The following CFAP54 variants were observed in gnomAD, a reference collection of about 807,000 sequenced individuals.
CFAP54 encodes the protein cilia- and flagella-associated protein 54.
In CFAP54, 290 loss-of-function variants were observed where a neutral mutation model predicts 370.4. The observed-to-expected ratio is 0.78, with a 90% CI of 0.71 to 0.86. The LOEUF (loss-of-function observed/expected upper bound fraction) is 0.86, where lower values mean the gene tolerates loss of function less well. Among genes scored for constraint, CFAP54 ranks in the 40% least tolerant of loss-of-function variants. The pLI is 0.00. For synonymous variants in CFAP54, 1,206 were observed against 1,236.5 expected, an observed-to-expected ratio of 0.98 and a Z score of 0.52; for missense variants, 3,399 against 3,528.7, an observed-to-expected ratio of 0.96 and a Z score of 0.93.
intron 50 of CFAP54, among the ~76,000 whole-genome samples, chr12:96,728,776 T>G (rs1348372841): frequency 5.3e-5 from 8 of 152,194 alleles, no homozygotes; most frequent in African/African-American, 1.9e-4. Flanking sequence ...TTTCCAGTTT[T>G]TCTGCTCTGT....
chr12:96,714,169 C>T (rs1055556751), intron 48 of CFAP54, among the ~76,000 whole-genome samples: 10 of 152,246 alleles, frequency 6.6e-5, no homozygotes, highest in African/African-American at 2.2e-4. Context: ...TTAGAACTTA[C>T]GTTGGCTTCA....
At chr12:96,503,816 T>C in intron 2 of CFAP54, 70 bp from the exon 3 acceptor site, 2 of 1,230,618 alleles carry the variant, frequency 1.6e-6, no homozygotes, top group Non-Finnish European at 1.1e-6. Context: ...AGGAATAATA[T>C]GAATATTACC....
chr12:96,718,251 C>T (rs972741250), intron 48 of CFAP54, among the ~76,000 whole-genome samples, 192 bp from the exon 49 acceptor site: 6 of 151,974 alleles, frequency 3.9e-5, no homozygotes, highest in Admixed American at 1.3e-4. Context: ...CCCAGCTACT[C>T]GGGAGGCTGA....
At chr12:96,569,905 T>G (rs558702318) in intron 19 of CFAP54, among the ~76,000 whole-genome samples, 1 of 152,350 alleles carries the variant, frequency 6.6e-6, no homozygotes, top group Admixed American at 6.5e-5. Context: ...TTTTGTAGCA[T>G]TTCAAGTCAA....
chr12:96,713,434 C>CT (rs906540796), intron 48 of CFAP54, among the ~76,000 whole-genome samples: 2 of 152,062 alleles, frequency 1.3e-5, no homozygotes, highest in African/African-American at 4.8e-5. Flanking sequence ...GGGTATGATT[C>CT]TTGATTCTCT....
chr12:96,629,435 C>T (rs927272738), intron 30 of CFAP54, among the ~76,000 whole-genome samples: 5 of 151,564 alleles, frequency 3.3e-5, no homozygotes, highest in African/African-American at 9.7e-5. Context: ...TCCCAAGTAG[C>T]TGGACTACAG....
intron 39 of CFAP54, among the ~76,000 whole-genome samples, chr12:96,671,290 C>T (rs1957143118): frequency 6.6e-6 from 1 of 152,190 alleles, no homozygotes. Context: ...CAGTTTAAAA[C>T]TGAACCCTGC....
At chr12:96,608,334 CAT>C (rs1491316420) in intron 26 of CFAP54, among the ~76,000 whole-genome samples, 3 of 143,132 alleles carry the variant, frequency 2.1e-5, no homozygotes, top group Non-Finnish European at 4.6e-5. Context: ...CACACACACA[CAT>C]ACGCACACAC....
At chr12:96,651,237 C>T (rs557314071) in intron 35 of CFAP54, among the ~76,000 whole-genome samples, 60 of 152,126 alleles carry the variant, frequency 3.9e-4, no homozygotes, top group African/African-American at 1.4e-3. Context: ...TTCTAGTGTC[C>T]GTCTCCCGAA....
intron 58 of CFAP54, among the ~76,000 whole-genome samples, chr12:96,762,881 T>G (rs1958355066): frequency 6.6e-6 from 1 of 152,188 alleles, no homozygotes; most frequent in African/African-American, 2.4e-5. Flanking sequence ...AGAGCTAAGC[T>G]AGGCCACATT....
chr12:96,809,377 G>A lies in CFAP54; in HGVS notation c.8851-2359G>A, dbSNP rs368047356. Among the ~76,000 whole-genome samples, 17 of 151,924 alleles carry A rather than the reference G, an allele frequency of 1.1e-4. No homozygotes were observed. The South Asian group carries it at 1.7e-3, about 15-fold the overall frequency. On this transcript the variant is annotated intron_variant, in intron 63 of 67. Transcript: ENST00000524981. ...CCTATTATCTACGTTTTTAAATTTA[G>A]GTTTCACTTTTGGGGAGATGGATTC...
chr12:96,763,594 C>T (rs1171017268), intron 58 of CFAP54, among the ~76,000 whole-genome samples: 1 of 152,046 alleles, frequency 6.6e-6, no homozygotes, highest in Non-Finnish European at 1.5e-5. Context: ...GCCTGGGCAA[C>T]ATGGTGACAC....
chr12:96,595,352 A>G (rs1317080615), intron 25 of CFAP54, among the ~76,000 whole-genome samples: 1 of 152,104 alleles, frequency 6.6e-6, no homozygotes, highest in African/African-American at 2.4e-5. Flanking sequence ...GGGCATGTAC[A>G]CCAGGGGGAA....
In CFAP54 at chr12:96,718,589, G is replaced by T. The variant is rs139974260; in HGVS notation, c.6804+67G>T. 7.8e-5 allele frequency: 72 copies of T among 927,988 alleles called. 1 individual carries two copies. The South Asian group carries it at 8.8e-4, about 11-fold the overall frequency. 57.5% of individuals were successfully genotyped at this position (927,988 alleles called of 1,614,324 possible). A position where few individuals can be genotyped will look rare whatever the true frequency, so the allele number is the denominator to read the frequency against. ...AAAATCCACTATTAGGCCCTGGATG[G>T]GCCTGCTTTCAGAGTTATGCTTGCT... On this transcript the variant is annotated intron_variant, in intron 49 of 67. Transcript: ENST00000524981.
chr12:96,499,569 T>A (rs1955000742), intron 1 of CFAP54, among the ~76,000 whole-genome samples: 1 of 152,158 alleles, frequency 6.6e-6, no homozygotes, highest in Admixed American at 6.5e-5. Flanking sequence ...TTTACAAAAT[T>A]AAACATATTC....
chr12:96,805,878 A>T (rs10860097), intron 63 of CFAP54, among the ~76,000 whole-genome samples: 3,019 of 151,872 alleles, frequency 0.02, 57 homozygotes, highest in East Asian at 0.083. Context: ...AGAACTACTC[A>T]GCCATAAAAA....
At chr12:96,643,774 G>A (rs529833840) in intron 32 of CFAP54, among the ~76,000 whole-genome samples, 28 of 152,100 alleles carry the variant, frequency 1.8e-4, no homozygotes, top group East Asian at 9.6e-4. Context: ...ATTTTGCTGC[G>A]TTGTTTTTTC....
At chr12:96,860,597 A>G (rs1021640303) in intron 66 of CFAP54, among the ~76,000 whole-genome samples, 2 of 152,204 alleles carry the variant, frequency 1.3e-5, no homozygotes, top group African/African-American at 4.8e-5. Context: ...CCTAAATACA[A>G]ATAGTCCATG....
chr12:96,734,319 A>C (rs1957956518), intron 50 of CFAP54, among the ~76,000 whole-genome samples: 1 of 152,100 alleles, frequency 6.6e-6, no homozygotes, highest in African/African-American at 2.4e-5. Context: ...TCTGCTTGCC[A>C]AGCACTCCTA....
Sources: allele counts gnomAD v4.1 joint callset (sites outside exome capture counted in the v4.1 genomes callset), GRCh38; gene constraint gnomAD v4.1.1; transcripts MANE v1.5; gene names NCBI Gene and HGNC (gene_info 2026-07-23, HGNC 2026-07-21).